TCF7L2: variants seen among roughly 807,000 people sequenced by gnomAD.
The protein encoded by TCF7L2 is transcription factor 7-like 2.
Under a neutral mutation model 77.9 loss-of-function variants are expected in TCF7L2, and 23 were observed. The observed-to-expected ratio is 0.30, with a 90% confidence interval of 0.21 to 0.42. The LOEUF is 0.42. Among genes scored for constraint, TCF7L2 ranks in the 10% least tolerant of loss-of-function variants. The probability of loss-of-function intolerance (pLI) is 1.00; values close to 1 mark genes in which losing one functional copy is unlikely to be tolerated. For synonymous variants in TCF7L2, 413 were observed against 340.2 expected (o/e 1.21, Z -2.36); for missense variants, 654 against 793.1 (o/e 0.82, Z 2.11).
intron 5 of TCF7L2, among the ~76,000 whole-genome samples, chr10:113,104,093 G>C (rs1326252734): frequency 6.6e-6 from 1 of 152,214 alleles, no homozygotes; most frequent in African/African-American, 2.4e-5. Context: ...CTTTGGTCCA[G>C]TAAGATGTGC....
Position 113,113,769 on chromosome 10 carries a change from A to G in TCF7L2, c.553-27415A>G, listed in dbSNP as rs556166379. Among the ~76,000 whole-genome samples, 42 of 152,300 alleles carry G rather than the reference A, an allele frequency of 2.8e-4. No homozygotes were observed. The South Asian group carries it at 7.9e-3, about 29-fold the overall frequency. On this transcript the variant is annotated intron_variant, in intron 5 of 13. Transcript: ENST00000627217. ...TGACGTTTGGGGCATCATAAACCCAAGGATTTCCATGTTAGTTTTCCAAGG... is the reference window on the plus strand; with the variant it reads ...TGACGTTTGGGGCATCATAAACCCAGGGATTTCCATGTTAGTTTTCCAAGG...
At chr10:113,040,868 A>AAG (rs1477581022) in intron 5 of TCF7L2, among the ~76,000 whole-genome samples, 1 of 152,246 alleles carries the variant, frequency 6.6e-6, no homozygotes, top group Non-Finnish European at 1.5e-5. Flanking sequence ...ATGTATTTAT[A>AAG]TCATGAGCTG....
chr10:113,137,251 C>T (rs1037222044), intron 5 of TCF7L2, among the ~76,000 whole-genome samples: 3 of 152,044 alleles, frequency 2.0e-5, no homozygotes, highest in African/African-American at 7.2e-5. Flanking sequence ...GCTGTGTATC[C>T]CCCCTGCTCC....
At chr10:112,965,653 G>GTT (rs2036597053) in intron 4 of TCF7L2, among the ~76,000 whole-genome samples, 2 of 151,592 alleles carry the variant, frequency 1.3e-5, no homozygotes, top group South Asian at 4.2e-4. Context: ...GTGTGTGTGT[G>GTT]TGTGTGTGTG....
At chr10:113,136,677 A>G (rs1245862345) in intron 5 of TCF7L2, among the ~76,000 whole-genome samples, 2 of 152,194 alleles carry the variant, frequency 1.3e-5, no homozygotes, top group African/African-American at 2.4e-5. Flanking sequence ...CTCTGTTTAT[A>G]AAGAGATAAA....
intron 4 of TCF7L2, among the ~76,000 whole-genome samples, chr10:113,013,090 T>C (rs2046731580): frequency 6.7e-6 from 1 of 149,784 alleles, no homozygotes; most frequent in Admixed American, 6.7e-5. Flanking sequence ...AGACCTGACC[T>C]CTCCCATGGT....
chr10:113,072,041 T>A (rs1267473823), intron 5 of TCF7L2, among the ~76,000 whole-genome samples: 5 of 143,710 alleles, frequency 3.5e-5, no homozygotes, highest in African/African-American at 7.3e-5. Context: ...TTTTTAATTT[T>A]ATTTTAATTA....
intron 4 of TCF7L2, among the ~76,000 whole-genome samples, chr10:113,009,315 T>C (rs1480010726): frequency 6.6e-6 from 1 of 152,186 alleles, no homozygotes; most frequent in Admixed American, 6.5e-5. Context: ...GGAGCAGCCT[T>C]CCCTGTCTCC....
chr10:112,997,714 T>C (rs886261217), intron 4 of TCF7L2, among the ~76,000 whole-genome samples: 1 of 152,208 alleles, frequency 6.6e-6, no homozygotes, highest in Admixed American at 6.5e-5. Flanking sequence ...GCCTTCCTTC[T>C]GAGTAATTTC....
rs200043717 is a variant in TCF7L2, at chr10:113,001,083, C to T, written c.450+36459C>T. 9.2e-5 allele frequency among the ~76,000 whole-genome samples: 14 copies of T among 152,194 alleles called. No homozygotes were observed. The East Asian group carries it at 2.1e-3, about 23-fold the overall frequency. ...TCAGGAATGCTTCCTGCAACCTGTT[C>T]GTGCAGTGAGCGTGTCTTCCTCGCC... On this transcript the variant is annotated intron_variant, in intron 4 of 13. Coordinates refer to ENST00000627217, the MANE Select transcript of TCF7L2 (RefSeq NM_001146274.2).
intron 5 of TCF7L2, among the ~76,000 whole-genome samples, chr10:113,074,296 C>G (rs541702314): frequency 6.6e-6 from 1 of 152,194 alleles, no homozygotes; most frequent in Non-Finnish European, 1.5e-5. Flanking sequence ...TTTGCTACCA[C>G]CAGCCCACAC....
chr10:113,121,060 C>T (rs894967069), intron 5 of TCF7L2, among the ~76,000 whole-genome samples: 1 of 152,104 alleles, frequency 6.6e-6, no homozygotes, highest in Non-Finnish European at 1.5e-5. Context: ...TCTATCCCTT[C>T]GCAAAATGGG....
At chr10:113,096,432 G>A (rs1190721545) in intron 5 of TCF7L2, among the ~76,000 whole-genome samples, 1 of 152,190 alleles carries the variant, frequency 6.6e-6, no homozygotes, top group Non-Finnish European at 1.5e-5. Context: ...GACCTTATTG[G>A]AAAGGTATTT....
intron 4 of TCF7L2, among the ~76,000 whole-genome samples, chr10:113,026,908 A>G (rs2049284140): frequency 6.6e-6 from 1 of 152,240 alleles, no homozygotes; most frequent in Admixed American, 6.5e-5. Flanking sequence ...TTGCCTGTCT[A>G]GATGACATAC....
intron 5 of TCF7L2, chr10:113,126,726 T>G: frequency 1.9e-5 from 19 of 985,916 alleles, no homozygotes; most frequent in Non-Finnish European, 2.3e-5. Context: ...GCTGCTCCCC[T>G]GTGCCGCGGG....
chr10:113,146,185 C>A, intron 8 of TCF7L2, 88 bp downstream of exon 8: 20 of 1,185,626 alleles, frequency 1.7e-5, no homozygotes, highest in Non-Finnish European at 2.4e-5. Flanking sequence ...ACCCAGGGAC[C>A]ACAGCTACAT....
rs2039570209 is a variant in TCF7L2 at position 112,977,151 on chromosome 10, C to T, written c.450+12527C>T. Among the ~76,000 whole-genome samples the T allele has an allele frequency of 2.0e-5, 3 of 152,076 alleles. No individual in the cohort carries two copies. The South Asian group carries it at 6.2e-4, about 32-fold the overall frequency. ...AGACAGATTCATTCTTTTCTCTTTC[C>T]AAACCTCGTGCCTCCCAGATTTTTG... On this transcript the variant is annotated intron_variant, in intron 4 of 13. Coordinates refer to ENST00000627217, the MANE Select transcript of TCF7L2 (RefSeq NM_001146274.2).
At chr10:113,110,704 T>A (rs540826437) in intron 5 of TCF7L2, among the ~76,000 whole-genome samples, 1 of 152,320 alleles carries the variant, frequency 6.6e-6, no homozygotes, top group East Asian at 1.9e-4. Context: ...TAGTTTGAGT[T>A]GTTGTAGTTT....
chr10:113,024,719 A>G (rs1217070162), intron 4 of TCF7L2, among the ~76,000 whole-genome samples: 5 of 150,638 alleles, frequency 3.3e-5, no homozygotes, highest in African/African-American at 1.2e-4. Flanking sequence ...TCCCAGGTCG[A>G]AACGATTCTC....
Sources: gnomAD v4.1 joint callset for allele counts (sites outside exome capture counted in the v4.1 genomes callset) on GRCh38, gnomAD v4.1.1 for gene constraint, MANE v1.5 for transcripts, NCBI Gene and HGNC (gene_info 2026-07-23, HGNC 2026-07-21) for gene names.